The following PGBD5 variants were observed in gnomAD, a reference collection of about 807,000 sequenced individuals.
PGBD5 encodes the protein piggyBac transposable element-derived protein 5.
In PGBD5, 14 loss-of-function variants were observed where a neutral mutation model predicts 47.9. That is an observed-to-expected ratio of 0.29 (90% CI 0.19 to 0.46). The LOEUF (loss-of-function observed/expected upper bound fraction) is 0.46, where lower values mean the gene tolerates loss of function less well. Among genes scored for constraint, PGBD5 ranks in the 20% least tolerant of loss-of-function variants. The pLI is 1.00. For missense variants in PGBD5, 635 were observed against 716.0 expected (o/e 0.89, Z 1.29); for synonymous variants, 316 against 306.3 (o/e 1.03, Z -0.33).
At chr1:230,348,462 C>G (rs1365541037) in intron 3 of PGBD5, among the ~76,000 whole-genome samples, 1 of 152,220 alleles carries the variant, frequency 6.6e-6, no homozygotes, top group African/African-American at 2.4e-5. Context: ...GCCAAAGCCA[C>G]CTCATGTAAG....
intron 1 of PGBD5, among the ~76,000 whole-genome samples, chr1:230,418,051 G>A (rs35364632): frequency 0.044 from 6,636 of 152,258 alleles, 187 homozygotes; most frequent in Non-Finnish European, 0.063. Flanking sequence ...AGTGGGTAGA[G>A]GCCTGGGATG....
Position 230,357,091 on chromosome 1 carries a change from T to A in PGBD5, c.562A>T (p.Ile188Phe). ...TTGCTGTAGAAGCCTCCGCTCCAGA[T>A]GCTGAGGACGGACTCGCAGTGGGAG... ...SISHCESVLS[I>F]WSGGFYSNRS... The change falls in exon 2 of 7, where the codon ATC (isoleucine) becomes TTC (phenylalanine). Residue 188 changes from isoleucine to phenylalanine, a missense_variant. Transcript: ENST00000391860. This position sits in a 1 kb window ranked among gnomAD's most constrained non-coding sequence, Gnocchi z 5.7. 6.2e-7 allele frequency: 1 copy of A among 1,614,182 alleles called. No individual in the cohort carries two copies. Among genetic ancestry groups the A allele is most frequent in the Middle Eastern group, 1.6e-4 (1 of 6,062 alleles).
At chr1:230,422,963 C>T (rs1331588772) in intron 1 of PGBD5, among the ~76,000 whole-genome samples, 1 of 151,840 alleles carries the variant, frequency 6.6e-6, no homozygotes, top group Non-Finnish European at 1.5e-5. Flanking sequence ...CAGTGTCTAC[C>T]TCCCTCATGC....
At chr1:230,340,711 T>C (rs1180053559) in intron 3 of PGBD5, among the ~76,000 whole-genome samples, 1 of 152,134 alleles carries the variant, frequency 6.6e-6, no homozygotes, top group African/African-American at 2.4e-5. Flanking sequence ...ATCATCTCCA[T>C]GCCTGGAGAT....
At chr1:230,341,298 T>C (rs1281417786) in intron 3 of PGBD5, among the ~76,000 whole-genome samples, 1 of 152,114 alleles carries the variant, frequency 6.6e-6, no homozygotes, top group Non-Finnish European at 1.5e-5. Context: ...TACTGCTTGG[T>C]CTGATGGCCA....
rs1050379356 is a variant in PGBD5, at chr1:230,337,120, A to G, written c.1063T>C (p.Phe355Leu). 5 of 1,613,684 alleles carry G rather than the reference A, an allele frequency of 3.1e-6. No homozygotes were observed. Among genetic ancestry groups the G allele is most frequent in the Non-Finnish European group, 4.2e-6 (5 of 1,179,846 alleles). The change falls in exon 4 of 7, where the codon TTT (phenylalanine) becomes CTT (leucine). Residue 355 changes from phenylalanine to leucine, a missense_variant. Physicochemically the swap from Phe to Leu is conservative, Grantham distance 22 (BLOSUM62 0). Transcript: ENST00000391860. ...CCACTTGACTAACCTTGCTTCTCAA[A>G]CTCTTCAAACAGCGTCAGGCTGGTG... Reference protein sequence around the residue: ...SITSLTLFEEFEKQGIYCCGL... With the variant: ...SITSLTLFEELEKQGIYCCGL...
At chr1:230,350,188 G>C (rs961785448) in intron 3 of PGBD5, among the ~76,000 whole-genome samples, 3 of 152,250 alleles carry the variant, frequency 2.0e-5, no homozygotes, top group African/African-American at 7.2e-5. Flanking sequence ...TGTCTGATGA[G>C]AGAAGGTGTC....
chr1:230,350,950 G>C lies in PGBD5; in HGVS notation c.894+8C>G, dbSNP rs1667551937. 1 of 1,613,580 alleles carries C rather than the reference G, an allele frequency of 6.2e-7. No homozygotes were observed. The highest frequency in any genetic ancestry group is 1.7e-5 in the Admixed American group (1 of 59,978). On this transcript the variant is annotated splice_region_variant and intron_variant, in intron 3 of 6. Transcript: ENST00000391860. Reference sequence around the variant, plus strand: ...ACCGACCCTCCCCGGGCTCAGCCCAGGGCTCACCTGGATGATGAAGCCAGT... The same window carrying C: ...ACCGACCCTCCCCGGGCTCAGCCCACGGCTCACCTGGATGATGAAGCCAGT...
intron 3 of PGBD5, among the ~76,000 whole-genome samples, 163 bp downstream of exon 3, chr1:230,350,795 G>T (rs939940759): frequency 5.3e-5 from 8 of 152,232 alleles, no homozygotes; most frequent in African/African-American, 1.9e-4. Context: ...GGTGAGGAGG[G>T]AGCAGCCCAG....
At chr1:230,379,488 C>G (rs1668060639) in intron 1 of PGBD5, among the ~76,000 whole-genome samples, 1 of 152,200 alleles carries the variant, frequency 6.6e-6, no homozygotes, top group Non-Finnish European at 1.5e-5. Flanking sequence ...CTCATCATAC[C>G]ATACCCCTCA....
chr1:230,350,823 G>T, intron 3 of PGBD5, 135 bp downstream of exon 3: 1 of 1,292,932 alleles, frequency 7.7e-7, no homozygotes, highest in Non-Finnish European at 1.0e-6. Flanking sequence ...CTCCGCAGGA[G>T]CATCTGGGTG....
rs530267060 is a variant in PGBD5 at position 230,315,799 on chromosome 1, C to T, written c.*7626G>A. Reference sequence around the variant, plus strand: ...GTATGCATATATGTATATATGTATACATATATGTATATGTGCATACATATA... The same window carrying T: ...GTATGCATATATGTATATATGTATATATATATGTATATGTGCATACATATA... On this transcript the variant is annotated 3_prime_UTR_variant, in exon 7 of 7. Coordinates refer to ENST00000391860, the MANE Select transcript of PGBD5 (RefSeq NM_001258311.2). 5.8e-5 allele frequency: 8 copies of T among 138,362 alleles called. No homozygotes were observed. The South Asian group carries it at 2.0e-3, about 34-fold the overall frequency. The allele number at this position is 138,362 out of a possible 1,614,324, so 8.6% of individuals were successfully genotyped here.
intron 1 of PGBD5, among the ~76,000 whole-genome samples, chr1:230,394,969 G>A (rs192593125): frequency 0.019 from 1,315 of 68,294 alleles, 28 homozygotes; most frequent in African/African-American, 0.064. Context: ...AGCTCCTCTC[G>A]TTCCCACCTT....
Position 230,425,771 on chromosome 1 carries a change from C to T in PGBD5, c.158G>A (p.Arg53His), listed in dbSNP as rs974291733. Residue 53 changes from arginine to histidine, a missense_variant, in exon 1 of 7, where the codon CGC becomes CAC. Coordinates refer to ENST00000391860, the MANE Select transcript of PGBD5 (RefSeq NM_001258311.2). The surrounding 1 kb of genome is among the most constrained non-coding windows in gnomAD (Gnocchi z 4.7). ...NPFYSTSAAS[R>H]SSSAASSDDE... ...GTCCGAGGAGGCGGCCGAGGAGGAG[C>T]GCGAGGCGGCCGAGGTGCTGTAGAA... 8 of 1,206,930 alleles carry T rather than the reference C, an allele frequency of 6.6e-6. No homozygotes were observed. In the African/African-American group the frequency reaches 1.1e-4, roughly 17 times the overall value. The allele number at this position is 1,206,930 out of a possible 1,614,324, so 74.8% of individuals were successfully genotyped here. A position where few individuals can be genotyped will look rare whatever the true frequency, so the allele number is the denominator to read the frequency against.
chr1:230,405,763 A>G (rs147852014), intron 1 of PGBD5, among the ~76,000 whole-genome samples: 2 of 152,350 alleles, frequency 1.3e-5, no homozygotes, highest in Non-Finnish European at 1.5e-5. Context: ...CAATGAGCCA[A>G]ACGGTCTTGG....
In PGBD5 at chr1:230,406,915, A is replaced by C. The variant is rs1657311447; in HGVS notation, c.331+18683T>G. On this transcript the variant is annotated intron_variant, in intron 1 of 6. Transcript: ENST00000391860. ...CAATGGCGCAATCTTCGCTCACTGC[A>C]ACCTCCACCGCCCACGTTCAAATGC... 2.0e-5 allele frequency among the ~76,000 whole-genome samples: 3 copies of C among 152,216 alleles called. No individual in the cohort carries two copies. In the South Asian group the frequency reaches 6.2e-4, roughly 32 times the overall value.
At chr1:230,345,451 G>C (rs534156834) in intron 3 of PGBD5, among the ~76,000 whole-genome samples, 1 of 152,324 alleles carries the variant, frequency 6.6e-6, no homozygotes, top group Admixed American at 6.5e-5. Flanking sequence ...TGAGGGGAGA[G>C]GAGGGGAAAC....
At chr1:230,404,626 AAAAATAT>A (rs1193949446) in intron 1 of PGBD5, among the ~76,000 whole-genome samples, 93 of 135,062 alleles carry the variant, frequency 6.9e-4, no homozygotes, top group Admixed American at 8.2e-4. Flanking sequence ...AAAAAAAAAA[AAAAATAT>A]ATATATATAT....
rs114018366 is a variant in PGBD5 at position 230,382,711 on chromosome 1, T to A, written c.332-25390A>T. Among the ~76,000 whole-genome samples the A allele has an allele frequency of 1.5e-3, 233 of 152,312 alleles. 1 individual carries two copies. Among genetic ancestry groups the A allele is most frequent in the African/African-American group, 5.4e-3 (224 of 41,564 alleles). ...AGGTGTTCAGGCATCTTTAGATTTTTATAGGAGAAAAAGCATACACATTTA... is the reference window on the plus strand; with the variant it reads ...AGGTGTTCAGGCATCTTTAGATTTTAATAGGAGAAAAAGCATACACATTTA... On this transcript the variant is annotated intron_variant, in intron 1 of 6. Coordinates refer to ENST00000391860, the MANE Select transcript of PGBD5 (RefSeq NM_001258311.2).
Sources: gnomAD v4.1 joint callset for allele counts (sites outside exome capture counted in the v4.1 genomes callset) on GRCh38, gnomAD v4.1.1 for gene constraint, Gnocchi (gnomAD v3.1) non-coding constraint, MANE v1.5 for transcripts, NCBI Gene and HGNC (gene_info 2026-07-23, HGNC 2026-07-21) for gene names.